SV2C: variants seen among roughly 807,000 people sequenced by gnomAD.
SV2C encodes solute carrier family 22 member B3.
A neutral mutation model predicts 79.7 loss-of-function variants in SV2C; 49 were observed. The observed-to-expected ratio is 0.61, with a 90% confidence interval of 0.49 to 0.78. The LOEUF is 0.78. Among genes scored for constraint, SV2C ranks in the 30% least tolerant of loss-of-function variants. The pLI is 0.00. For synonymous variants in SV2C, 334 were observed against 333.2 expected (o/e 1.00, Z -0.03); for missense variants, 833 against 912.9 (o/e 0.91, Z 1.13).
intron 4 of SV2C, among the ~76,000 whole-genome samples, chr5:76,260,577 T>C (rs989798285): frequency 7.2e-5 from 11 of 152,152 alleles, no homozygotes; most frequent in African/African-American, 2.4e-4. Context: ...TGGTGTTAGG[T>C]TTTATGTTTA....
At chr5:76,152,329 G>C (rs1749629709) in intron 2 of SV2C, among the ~76,000 whole-genome samples, 1 of 152,160 alleles carries the variant, frequency 6.6e-6, no homozygotes, top group African/African-American at 2.4e-5. Flanking sequence ...AATAACAAAA[G>C]TATACTATAG....
intron 1 of SV2C, among the ~76,000 whole-genome samples, chr5:76,095,289 C>G (rs919581528): frequency 2.0e-5 from 3 of 152,052 alleles, no homozygotes; most frequent in Non-Finnish European, 4.4e-5. Flanking sequence ...TGAGCCATTA[C>G]TGATACATTA....
At chr5:75,956,573 A>T in the SV2C span, among the ~76,000 whole-genome samples, 1 of 152,006 alleles carries the variant, frequency 6.6e-6, no homozygotes, top group Non-Finnish European at 1.5e-5. Context: ...AGAGCCTATC[A>T]TCTCTTGTAG....
rs1315150115 is a variant in SV2C, at chr5:76,307,760, C to T, written c.2000+6215C>T. Among the ~76,000 whole-genome samples the T allele has an allele frequency of 3.3e-5, 5 of 152,106 alleles. 1 individual carries two copies. Among genetic ancestry groups the T allele is most frequent in the African/African-American group, 1.2e-4 (5 of 41,418 alleles). Reference sequence around the variant, plus strand: ...TGTCTTCCAGTTCACTGGTTCTTTCCTCTGTCTCCTCCATTCTGCTGTTGA... The same window carrying T: ...TGTCTTCCAGTTCACTGGTTCTTTCTTCTGTCTCCTCCATTCTGCTGTTGA... On this transcript the variant is annotated intron_variant, in intron 12 of 12. Coordinates refer to ENST00000502798, the MANE Select transcript of SV2C (RefSeq NM_014979.4).
chr5:76,048,989 A>AAGAAAGAAAG, the SV2C span, among the ~76,000 whole-genome samples: 1 of 95,374 alleles, frequency 1.0e-5, no homozygotes, highest in African/African-American at 3.6e-5. Flanking sequence ...GAAAGAAAGA[A>AAGAAAGAAAG]AGAAAGAAAG....
chr5:76,351,088 G>T (rs1455573152), intron 12 of SV2C, among the ~76,000 whole-genome samples: 1 of 152,132 alleles, frequency 6.6e-6, no homozygotes, highest in Non-Finnish European at 1.5e-5. Context: ...CTGGGTCGGT[G>T]CAACTTCAGA....
the SV2C span, among the ~76,000 whole-genome samples, chr5:75,942,674 T>C: frequency 3.7e-3 from 565 of 152,308 alleles, 3 homozygotes; most frequent in African/African-American, 0.013. Flanking sequence ...ATTCATAATT[T>C]ATTCCTAGGG....
chr5:76,209,668 T>C, intron 3 of SV2C, 68 bp from the exon 4 acceptor site: 1 of 1,517,814 alleles, frequency 6.6e-7, no homozygotes, highest in South Asian at 1.3e-5. Flanking sequence ...TTGCTTTGGC[T>C]CTGCCCTTTG....
chr5:75,958,610 T>C, the SV2C span, among the ~76,000 whole-genome samples: 4 of 152,052 alleles, frequency 2.6e-5, no homozygotes, highest in Non-Finnish European at 5.9e-5. Flanking sequence ...GCCCTTTGGC[T>C]GCATCCTGAA....
intron 3 of SV2C, among the ~76,000 whole-genome samples, chr5:76,197,673 C>A (rs1744306490): frequency 1.2e-5 from 1 of 85,346 alleles, no homozygotes; most frequent in African/African-American, 5.2e-5. Context: ...GAGAGAGAAC[C>A]AATAGGAAAG....
chr5:76,323,432 T>G (rs746893807), intron 12 of SV2C, among the ~76,000 whole-genome samples: 2 of 152,254 alleles, frequency 1.3e-5, no homozygotes, highest in Non-Finnish European at 2.9e-5. Context: ...TTTTACACTG[T>G]TGGTGTGAAT....
the SV2C span, among the ~76,000 whole-genome samples, chr5:75,876,369 A>T: frequency 3.3e-5 from 5 of 152,080 alleles, no homozygotes; most frequent in African/African-American, 1.2e-4. Flanking sequence ...GCTAAATGAT[A>T]AGAACTTATG....
intron 1 of SV2C, among the ~76,000 whole-genome samples, chr5:76,085,751 G>A (rs1747167607): frequency 6.6e-6 from 1 of 151,518 alleles, no homozygotes; most frequent in African/African-American, 2.4e-5. Flanking sequence ...GAAGACAAAA[G>A]AGATAATCTC....
chr5:75,881,373 G>A, the SV2C span, among the ~76,000 whole-genome samples: 1 of 152,130 alleles, frequency 6.6e-6, no homozygotes, highest in Admixed American at 6.6e-5. Flanking sequence ...CTGGCCCCTG[G>A]CAAGTAATCC....
the SV2C span, among the ~76,000 whole-genome samples, chr5:76,071,838 C>T: frequency 6.6e-6 from 1 of 152,118 alleles, no homozygotes; most frequent in African/African-American, 2.4e-5. Context: ...ATAATTTTCC[C>T]TTGAGCAGGA....
chr5:76,334,356 A>C (rs1201514775), downstream of SV2C, among the ~76,000 whole-genome samples: 3 of 152,008 alleles, frequency 2.0e-5, no homozygotes, highest in African/African-American at 7.3e-5. Context: ...AAACAGACTT[A>C]AATGCCACAT....
At chr5:75,879,674 A>C in the SV2C span, among the ~76,000 whole-genome samples, 2 of 152,162 alleles carry the variant, frequency 1.3e-5, no homozygotes, top group African/African-American at 4.8e-5. Flanking sequence ...TTCTAGGCTC[A>C]GGATGCAAGC....
chr5:75,934,576 G>A, the SV2C span, among the ~76,000 whole-genome samples: 42 of 152,114 alleles, frequency 2.8e-4, no homozygotes, highest in East Asian at 7.5e-3. Context: ...TTTAGCCGTC[G>A]TGCCTGGCCT....
chr5:75,959,714 T>G, the SV2C span, among the ~76,000 whole-genome samples: 1 of 151,948 alleles, frequency 6.6e-6, no homozygotes, highest in Non-Finnish European at 1.5e-5. Context: ...ATCACTTCAT[T>G]GTTATTTTGA....
Sources: gnomAD v4.1 joint callset for allele counts (sites outside exome capture counted in the v4.1 genomes callset) on GRCh38, gnomAD v4.1.1 for gene constraint, MANE v1.5 for transcripts, NCBI Gene and HGNC (gene_info 2026-07-23, HGNC 2026-07-21) for gene names.